MMP16: variants seen among roughly 807,000 people sequenced by gnomAD.
MMP16 encodes matrix metallopeptidase 16.
In MMP16, 12 loss-of-function variants were observed where a neutral mutation model predicts 67.8. That is an observed-to-expected ratio of 0.18 (90% CI 0.11 to 0.29). MMP16 has a LOEUF of 0.29. MMP16 is among the 10% of genes least tolerant of loss of function. MMP16 has a pLI of 1.00. For missense variants in MMP16, 475 were observed against 765.7 expected, an observed-to-expected ratio of 0.62 and a Z score of 4.48; for synonymous variants, 249 against 255.9, an observed-to-expected ratio of 0.97 and a Z score of 0.26.
chr8:88,064,248 G>A (rs1024995999), intron 7 of MMP16, among the ~76,000 whole-genome samples: 5 of 152,032 alleles, frequency 3.3e-5, no homozygotes, highest in African/African-American at 1.2e-4. Context: ...ATTCCTTAAC[G>A]GTTTGATTTT....
intron 6 of MMP16, among the ~76,000 whole-genome samples, chr8:88,110,896 T>C (rs1280626237): frequency 6.6e-6 from 1 of 151,702 alleles, no homozygotes; most frequent in African/African-American, 2.4e-5. Context: ...AAAGCTACCA[T>C]TTCCTGAGCT....
chr8:88,213,313 C>T (rs1050551548), intron 1 of MMP16, among the ~76,000 whole-genome samples: 1 of 152,040 alleles, frequency 6.6e-6, no homozygotes, highest in Admixed American at 6.6e-5. Flanking sequence ...ATGGGTCAAC[C>T]TTGTCATCAC....
intron 1 of MMP16, among the ~76,000 whole-genome samples, chr8:88,300,757 C>T (rs1811085027): frequency 6.6e-6 from 1 of 152,004 alleles, no homozygotes; most frequent in Non-Finnish European, 1.5e-5. Context: ...ATGGAAGTCC[C>T]CAAGTTCTCA....
At chr8:88,116,132 G>A (rs1193912291) in intron 6 of MMP16, among the ~76,000 whole-genome samples, 2 of 152,072 alleles carry the variant, frequency 1.3e-5, no homozygotes, top group Non-Finnish European at 2.9e-5. Flanking sequence ...ATAAAGATAT[G>A]TAAACCAAAG....
In MMP16 at chr8:88,036,980, T is replaced by C. The variant is rs1455681089; in HGVS notation, c.*4481A>G. 6.6e-6 allele frequency: 1 copy of C among 151,564 alleles called. No individual in the cohort carries two copies. 9.4% of individuals were successfully genotyped at this position (151,564 alleles called of 1,614,324 possible). A position where few individuals can be genotyped will look rare whatever the true frequency, so the allele number is the denominator to read the frequency against. Reference sequence around the variant, plus strand: ...CAAAAACTTTAAAATATATATTTTTTCATGACTCAGTTTAACTCAGTCTGT... The same window carrying C: ...CAAAAACTTTAAAATATATATTTTTCCATGACTCAGTTTAACTCAGTCTGT... On this transcript the variant is annotated 3_prime_UTR_variant, in exon 10 of 10. Transcript: ENST00000286614.
intron 1 of MMP16, among the ~76,000 whole-genome samples, chr8:88,228,827 T>C (rs896493955): frequency 6.6e-6 from 1 of 151,996 alleles, no homozygotes; most frequent in Non-Finnish European, 1.5e-5. Context: ...AATATAATTA[T>C]ACTTAAAAGC....
intron 1 of MMP16, among the ~76,000 whole-genome samples, chr8:88,256,964 T>C (rs1810313561): frequency 6.6e-6 from 1 of 152,210 alleles, no homozygotes; most frequent in South Asian, 2.1e-4. Context: ...CAAATTTCAT[T>C]TGTTTTATCC....
At position 88,307,485 on chromosome 8, in the gene MMP16, C is replaced by A. The variant is rs756728301; in HGVS notation, c.132+19590G>T. ...TAGAAAAACAGACAATAACAAATTT[C>A]AATTCTTGTCAGGCTGGTCATGCTA... On this transcript the variant is annotated intron_variant, in intron 1 of 9. Coordinates refer to ENST00000286614, the MANE Select transcript of MMP16 (RefSeq NM_005941.5). 2.6e-4 allele frequency among the ~76,000 whole-genome samples: 40 copies of A among 152,094 alleles called. 1 individual carries two copies. Among genetic ancestry groups the A allele is most frequent in the Middle Eastern group, 3.4e-3 (1 of 294 alleles).
intron 1 of MMP16, among the ~76,000 whole-genome samples, chr8:88,276,785 G>A (rs1324601078): frequency 6.6e-6 from 1 of 152,004 alleles, no homozygotes; most frequent in East Asian, 1.9e-4. Flanking sequence ...GAGAACCCGA[G>A]TAAGATTTAT....
intron 1 of MMP16, among the ~76,000 whole-genome samples, chr8:88,279,317 T>A (rs1225942556): frequency 1.3e-5 from 2 of 152,186 alleles, no homozygotes; most frequent in Non-Finnish European, 2.9e-5. Context: ...TCCGCCATAT[T>A]GCATTAAATA....
chr8:88,089,228 T>C (rs897302819), intron 6 of MMP16, among the ~76,000 whole-genome samples: 17 of 152,082 alleles, frequency 1.1e-4, no homozygotes, highest in Non-Finnish European at 2.1e-4. Context: ...AAGGATGAAG[T>C]TGACTGGGCT....
chr8:88,212,496 A>T (rs1357989144), intron 1 of MMP16, among the ~76,000 whole-genome samples: 2 of 152,180 alleles, frequency 1.3e-5, no homozygotes, highest in African/African-American at 4.8e-5. Flanking sequence ...TATTTCCAAA[A>T]TATCTAAAGA....
chr8:88,069,299 G>T (rs904690812), intron 7 of MMP16: 10 of 345,900 alleles, frequency 2.9e-5, no homozygotes, highest in Non-Finnish European at 5.8e-6. Flanking sequence ...TTGATCCCTC[G>T]GTATTTGGTG....
At chr8:88,165,319 T>C (rs1017350624) in intron 4 of MMP16, among the ~76,000 whole-genome samples, 2 of 151,872 alleles carry the variant, frequency 1.3e-5, no homozygotes, top group Non-Finnish European at 2.9e-5. Context: ...ATTTCTTTCA[T>C]ATAGGATTTT....
intron 6 of MMP16, among the ~76,000 whole-genome samples, chr8:88,102,056 C>T (rs1287115348): frequency 1.3e-5 from 2 of 151,886 alleles, no homozygotes; most frequent in Non-Finnish European, 1.5e-5. Context: ...TTTTCTTCTG[C>T]TCTCATATCA....
At chr8:88,271,792 G>A (rs1355538659) in intron 1 of MMP16, among the ~76,000 whole-genome samples, 1 of 152,214 alleles carries the variant, frequency 6.6e-6, no homozygotes, top group Admixed American at 6.5e-5. Context: ...TGGCTTAAAT[G>A]TGAAGTGCCA....
At position 88,261,513 on chromosome 8, in the gene MMP16, C is replaced by T. The variant is rs76641425; in HGVS notation, c.133-64207G>A. Among the ~76,000 whole-genome samples, 13 of 152,000 alleles carry T rather than the reference C, an allele frequency of 8.6e-5. No individual in the cohort carries two copies. The East Asian group carries it at 2.3e-3, about 27-fold the overall frequency. On this transcript the variant is annotated intron_variant, in intron 1 of 9. Coordinates refer to ENST00000286614, the MANE Select transcript of MMP16 (RefSeq NM_005941.5). ...TTACTACCATACTTAATAGTATAAT[C>T]GATGTTTCTCTTTCTACCTCACTAT...
At chr8:88,270,348 G>A (rs1219461799) in intron 1 of MMP16, among the ~76,000 whole-genome samples, 1 of 152,122 alleles carries the variant, frequency 6.6e-6, no homozygotes, top group South Asian at 2.1e-4. Context: ...TGAATACCAG[G>A]GAGAAACAGA....
chr8:88,178,298 G>C (rs1307500778), intron 3 of MMP16, among the ~76,000 whole-genome samples: 2 of 152,088 alleles, frequency 1.3e-5, no homozygotes, highest in Non-Finnish European at 2.9e-5. Flanking sequence ...CTGATCAATA[G>C]GCTAAGGGGT....
Sources: allele counts gnomAD v4.1 joint callset (sites outside exome capture counted in the v4.1 genomes callset), GRCh38; gene constraint gnomAD v4.1.1; transcripts MANE v1.5; gene names NCBI Gene and HGNC (gene_info 2026-07-23, HGNC 2026-07-21).